CEP120: variants seen among roughly 807,000 people sequenced by gnomAD.
CEP120 encodes the protein centrosomal protein 120.
In CEP120, 113 loss-of-function variants were observed where a neutral mutation model predicts 126.5. The observed-to-expected ratio is 0.89, with a 90% CI of 0.77 to 1.04. CEP120 has a LOEUF of 1.04. Ranked by LOEUF, CEP120 falls within the 50% of genes least tolerant of loss-of-function variation. The probability of loss-of-function intolerance (pLI) is 0.00; values close to 1 mark genes in which losing one functional copy is unlikely to be tolerated. For missense variants in CEP120, 1,230 were observed against 1,155.7 expected, an observed-to-expected ratio of 1.06 and a Z score of -0.93; for synonymous variants, 400 against 394.3, an observed-to-expected ratio of 1.01 and a Z score of -0.17.
In CEP120 at chr5:123,393,429, T is replaced by G; in HGVS notation, c.681A>C (p.Gly227=). The part of the protein sequence containing the change: ...PEFFFYYSLL[G]NDVTNEPFND... ...TGAAGGGTTCATTTGTAACATCATT[T>G]CCCAGTAAAGAGTAGTAAAAGAAAA... is the stretch of plus-strand genomic sequence containing the variant. Residue 227 remains glycine (G), a synonymous_variant, in exon 6 of 20, where the codon GGA becomes GGC. Coordinates refer to ENST00000306467, the MANE Select transcript of CEP120 (RefSeq NM_001375405.1). The G allele has an allele frequency of 6.2e-7, 1 of 1,614,100 alleles. No homozygotes were observed. The highest frequency in any genetic ancestry group is 1.1e-5 in the South Asian group (1 of 91,084).
intron 4 of CEP120, among the ~76,000 whole-genome samples, chr5:123,400,015 G>C (rs1773070353): frequency 6.6e-6 from 1 of 152,236 alleles, no homozygotes; most frequent in South Asian, 2.1e-4. Context: ...ACGCAGGAAA[G>C]TGAATGCTCT....
At chr5:123,403,104 T>C in intron 4 of CEP120, 1 of 345,184 alleles carries the variant, frequency 2.9e-6, no homozygotes, top group Non-Finnish European at 5.6e-6. Flanking sequence ...TATGTATATA[T>C]ACAAATGTGT....
intron 4 of CEP120, chr5:123,402,211 A>C: frequency 6.5e-7 from 1 of 1,549,132 alleles, no homozygotes; most frequent in Admixed American, 1.7e-5. Context: ...CCCCGAAAGC[A>C]GCTGCTGCCC....
chr5:123,373,972 G>A (rs980846993), intron 16 of CEP120, among the ~76,000 whole-genome samples: 2 of 151,756 alleles, frequency 1.3e-5, no homozygotes, highest in African/African-American at 4.8e-5. Flanking sequence ...ACTCTACCCA[G>A]CCCAATGTAA....
chr5:123,367,866 T>G lies in CEP120; in HGVS notation c.2482-3272A>C, dbSNP rs76088723. Among the ~76,000 whole-genome samples the G allele has an allele frequency of 1.4e-4, 22 of 152,028 alleles. 1 individual carries two copies. The East Asian group carries it at 4.3e-3, about 29-fold the overall frequency. ...TCAGACATAACCAGAGCTTACAAAT[T>G]AAATCAGATACTTTTTAACTTGGGT... On this transcript the variant is annotated intron_variant, in intron 17 of 19. Transcript: ENST00000306467.
chr5:123,351,239 T>C (rs1389333451), intron 18 of CEP120, among the ~76,000 whole-genome samples: 1 of 152,166 alleles, frequency 6.6e-6, no homozygotes, highest in Non-Finnish European at 1.5e-5. Context: ...ACTACCCTAA[T>C]TTTAAAAACA....
In CEP120 at chr5:123,386,677, A is replaced by AAG. The variant is rs1491340982; in HGVS notation, c.1431-11_1431-10insCT. 1 of 202,790 alleles carries AAG rather than the reference A, an allele frequency of 4.9e-6. No individual in the cohort carries two copies. Among genetic ancestry groups the AAG allele is most frequent in the Non-Finnish European group, 7.3e-6 (1 of 136,142 alleles). 12.6% of individuals were successfully genotyped at this position (202,790 alleles called of 1,614,324 possible). On this transcript the variant is annotated splice_polypyrimidine_tract_variant and intron_variant, in intron 9 of 19. Coordinates refer to ENST00000306467, the MANE Select transcript of CEP120 (RefSeq NM_001375405.1). Reference sequence around the variant, plus strand: ...GAATGGATATGAGTACCTAGAATTTAAAAAAAAAAAAAAAAAAAAAAGCCT... The same window carrying AAG: ...GAATGGATATGAGTACCTAGAATTTAAGAAAAAAAAAAAAAAAAAAAAAGCCT...
intron 5 of CEP120, among the ~76,000 whole-genome samples, chr5:123,398,497 G>T (rs1772953703): frequency 6.6e-6 from 1 of 152,166 alleles, no homozygotes; most frequent in Non-Finnish European, 1.5e-5. Flanking sequence ...GAAAGTGGCA[G>T]GTTCCCCAAA....
At chr5:123,361,149 G>GGAA (rs1240809593) in intron 18 of CEP120, among the ~76,000 whole-genome samples, 1 of 151,652 alleles carries the variant, frequency 6.6e-6, no homozygotes, top group Non-Finnish European at 1.5e-5. Context: ...CTTCTTCAAT[G>GGAA]GAAGCACTAT....
intron 17 of CEP120, among the ~76,000 whole-genome samples, chr5:123,371,366 A>G (rs1770843936): frequency 6.6e-6 from 1 of 152,146 alleles, no homozygotes; most frequent in South Asian, 2.1e-4. Flanking sequence ...AGGCAAAGAG[A>G]GAGCTGGTAC....
chr5:123,401,515 G>A lies in CEP120; in HGVS notation c.464-2231C>T, dbSNP rs1773237603. On this transcript the variant is annotated intron_variant, in intron 4 of 19. Transcript: ENST00000306467. ...TGATCTGGTACATGCTCTCAGCCTC[G>A]GCCTGGCTGCGGTTGGCGATCTCCT... 4.7e-6 allele frequency: 6 copies of A among 1,281,868 alleles called. No homozygotes were observed. The Admixed American group carries it at 6.7e-5, about 14-fold the overall frequency. 79.4% of individuals were successfully genotyped at this position (1,281,868 alleles called of 1,614,324 possible). A position where few individuals can be genotyped will look rare whatever the true frequency, so the allele number is the denominator to read the frequency against.
chr5:123,389,901 A>T (rs1205273254), intron 8 of CEP120, 23 bp downstream of exon 8: 1 of 1,592,580 alleles, frequency 6.3e-7, no homozygotes, highest in Non-Finnish European at 8.6e-7. Context: ...AAAGATCTAT[A>T]AACAAACAAC....
chr5:123,355,565 T>C (rs1205718433), intron 18 of CEP120, among the ~76,000 whole-genome samples: 1 of 152,242 alleles, frequency 6.6e-6, no homozygotes, highest in African/African-American at 2.4e-5. Flanking sequence ...CATGTGTTTT[T>C]TGACTGCATA....
rs749436917 is a variant in CEP120 at position 123,377,386 on chromosome 5, G to T, written c.2346C>A (p.Arg782=). The change falls in exon 16 of 20, where the codon CGC becomes CGA. Residue 782 remains arginine (R), a synonymous_variant. Coordinates refer to ENST00000306467, the MANE Select transcript of CEP120 (RefSeq NM_001375405.1). ...KIKQLEEDKH[R]LQQQLNDAEN... is the part of the protein sequence containing the mutation. ...TACGTTATCCAACCTGTTGCTGAAGGCGGTGTTTATCCTCTTCGAGCTGTT... is the reference window on the plus strand; with the variant it reads ...TACGTTATCCAACCTGTTGCTGAAGTCGGTGTTTATCCTCTTCGAGCTGTT... 1 of 1,607,978 alleles carries T rather than the reference G, an allele frequency of 6.2e-7. No homozygotes were observed. Among genetic ancestry groups the T allele is most frequent in the South Asian group, 1.1e-5 (1 of 89,454 alleles).
At chr5:123,399,875 G>C (rs1165757061) in intron 4 of CEP120, among the ~76,000 whole-genome samples, 1 of 152,128 alleles carries the variant, frequency 6.6e-6, no homozygotes, top group Non-Finnish European at 1.5e-5. Context: ...CTAGTTTTGA[G>C]AAGAAAACTG....
At chr5:123,416,321 G>A (rs1272669731) in intron 2 of CEP120, among the ~76,000 whole-genome samples, 197 bp from the exon 3 acceptor site, 3 of 152,208 alleles carry the variant, frequency 2.0e-5, no homozygotes, top group African/African-American at 7.2e-5. Flanking sequence ...CCAGCACTTT[G>A]GGAGTTCGAG....
At chr5:123,418,591 T>C in intron 1 of CEP120, 76 bp from the exon 2 acceptor site, 1 of 1,297,854 alleles carries the variant, frequency 7.7e-7, no homozygotes, top group African/African-American at 1.6e-5. Context: ...TGTTTTTTTG[T>C]TTGGCTGGTT....
intron 3 of CEP120, 64 bp downstream of exon 3, chr5:123,415,946 G>T: frequency 9.5e-7 from 1 of 1,057,404 alleles, no homozygotes; most frequent in Non-Finnish European, 1.5e-6. Context: ...TCATCAATCT[G>T]TTATCTACTG....
At chr5:123,390,758 G>A (rs1479922718) in intron 7 of CEP120, among the ~76,000 whole-genome samples, 1 of 152,166 alleles carries the variant, frequency 6.6e-6, no homozygotes, top group Non-Finnish European at 1.5e-5. Flanking sequence ...TTTTGGCTCA[G>A]GTTGCATTAA....
Sources: gnomAD v4.1 joint callset for allele counts (sites outside exome capture counted in the v4.1 genomes callset) on GRCh38, gnomAD v4.1.1 for gene constraint, MANE v1.5 for transcripts, NCBI Gene and HGNC (gene_info 2026-07-23, HGNC 2026-07-21) for gene names.